ATP13A4: variants seen among roughly 807,000 people sequenced by gnomAD.
ATP13A4 encodes ATPase 13A4.
In ATP13A4, 114 loss-of-function variants were observed where a neutral mutation model predicts 142.5. The observed-to-expected ratio is 0.80, with a 90% confidence interval of 0.69 to 0.93. ATP13A4 has a LOEUF of 0.93. ATP13A4 is among the 40% of genes least tolerant of loss of function. ATP13A4 has a pLI of 0.00. For missense variants in ATP13A4, 1,392 were observed against 1,454.0 expected, an observed-to-expected ratio of 0.96 and a Z score of 0.69; for synonymous variants, 488 against 514.8, an observed-to-expected ratio of 0.95 and a Z score of 0.70.
At chr3:193,488,821 A>C (rs1237645023) in intron 7 of ATP13A4, among the ~76,000 whole-genome samples, 1 of 152,166 alleles carries the variant, frequency 6.6e-6, no homozygotes, top group Non-Finnish European at 1.5e-5. Context: ...GGAGAACTTG[A>C]GAATGTTAAA....
At chr3:193,460,447 G>A (rs10937587) in intron 13 of ATP13A4, among the ~76,000 whole-genome samples, 30,332 of 152,108 alleles carry the variant, frequency 0.2, 3,170 homozygotes, top group South Asian at 0.38. Context: ...TGGCTTCCTG[G>A]CTTTTGCATT....
At chr3:193,560,733 A>C (rs932380852) in intron 2 of ATP13A4, among the ~76,000 whole-genome samples, 1 of 152,200 alleles carries the variant, frequency 6.6e-6, no homozygotes, top group Non-Finnish European at 1.5e-5. Context: ...ACTGGGGTGA[A>C]AATCTGTGCT....
chr3:193,574,827 A>G (rs1265256802), intron 2 of ATP13A4, among the ~76,000 whole-genome samples: 1 of 152,186 alleles, frequency 6.6e-6, no homozygotes, highest in Non-Finnish European at 1.5e-5. Flanking sequence ...GTTGGTGAGT[A>G]TGAAGCAAGA....
chr3:193,489,182 T>C (rs151185139), intron 7 of ATP13A4, among the ~76,000 whole-genome samples: 49 of 152,300 alleles, frequency 3.2e-4, no homozygotes, highest in African/African-American at 1.1e-3. Flanking sequence ...TGATTAGAGA[T>C]GAACAGAAGC....
intron 1 of ATP13A4, among the ~76,000 whole-genome samples, chr3:193,590,657 C>T (rs1724745686): frequency 2.0e-5 from 3 of 152,134 alleles, no homozygotes; most frequent in Non-Finnish European, 4.4e-5. Context: ...AACTACATTC[C>T]TCCCCAAAGT....
chr3:193,426,769 T>C (rs1466215263), intron 25 of ATP13A4, among the ~76,000 whole-genome samples: 1 of 151,918 alleles, frequency 6.6e-6, no homozygotes, highest in Non-Finnish European at 1.5e-5. Context: ...TTCAACAAGC[T>C]GGGACAACCA....
At chr3:193,550,822 A>G (rs1272916995) in intron 1 of ATP13A4, among the ~76,000 whole-genome samples, 1 of 152,148 alleles carries the variant, frequency 6.6e-6, no homozygotes, top group South Asian at 2.1e-4. Flanking sequence ...CTGGAACAAA[A>G]CACTTCCCCA....
chr3:193,505,029 C>A (rs905713542), intron 2 of ATP13A4, among the ~76,000 whole-genome samples: 1 of 152,128 alleles, frequency 6.6e-6, no homozygotes, highest in Non-Finnish European at 1.5e-5. Flanking sequence ...AAACTAACCA[C>A]CAGCAAGGCT....
At chr3:193,448,765 C>T (rs879273843) in intron 17 of ATP13A4, among the ~76,000 whole-genome samples, 9 of 152,180 alleles carry the variant, frequency 5.9e-5, no homozygotes, top group South Asian at 4.1e-4. Flanking sequence ...AGAACAGAAG[C>T]GGACACAAAG....
intron 3 of ATP13A4, among the ~76,000 whole-genome samples, chr3:193,495,672 G>A (rs1027351922): frequency 6.6e-6 from 1 of 152,090 alleles, no homozygotes; most frequent in Non-Finnish European, 1.5e-5. Context: ...CCTAGAACAA[G>A]ACAGGAATGC....
chr3:193,403,774 A>C, intron 29 of ATP13A4: 1 of 985,170 alleles, frequency 1.0e-6, no homozygotes. Flanking sequence ...GCTCACAAAG[A>C]TTGACCATCT....
intron 1 of ATP13A4, among the ~76,000 whole-genome samples, chr3:193,543,214 C>A (rs558761376): frequency 6.8e-6 from 1 of 147,816 alleles, no homozygotes; most frequent in East Asian, 2.0e-4. Context: ...CCATTAAAAA[C>A]ATAGGCACAG....
chr3:193,591,123 G>A (rs1724756809), intron 1 of ATP13A4, among the ~76,000 whole-genome samples: 1 of 152,230 alleles, frequency 6.6e-6, no homozygotes, highest in South Asian at 2.1e-4. Flanking sequence ...GAGTGCAGTG[G>A]CACAATCTCA....
rs759103574 is a variant in ATP13A4 at position 193,589,920 on chromosome 3, T to C, written n.91+3101A>G. On this transcript the variant is annotated intron_variant and non_coding_transcript_variant, in intron 1 of 3. Coordinates refer to the ATP13A4 transcript ENST00000489140. The stretch of plus-strand genomic sequence containing the variant: ...ATTGTATTCATATAATTTATTCATA[T>C]AATTTTACTTGCCTACTTGCATACT... Among the ~76,000 whole-genome samples, 11 of 146,688 alleles carry C rather than the reference T, an allele frequency of 7.5e-5. No individual in the cohort carries two copies. In the South Asian group the frequency reaches 2.1e-3, roughly 29 times the overall value.
chr3:193,540,834 T>C (rs1351669530), intron 1 of ATP13A4, among the ~76,000 whole-genome samples: 3 of 152,110 alleles, frequency 2.0e-5, no homozygotes, highest in African/African-American at 4.8e-5. Context: ...GGAAAGTAAA[T>C]ACATCAAGCA....
intron 3 of ATP13A4, among the ~76,000 whole-genome samples, chr3:193,498,233 C>T (rs1429184435): frequency 6.6e-6 from 1 of 151,434 alleles, no homozygotes; most frequent in Non-Finnish European, 1.5e-5. Flanking sequence ...TTTAAAAATC[C>T]TGGTAGCCAG....
intron 2 of ATP13A4, among the ~76,000 whole-genome samples, chr3:193,510,519 C>T (rs564688026): frequency 1.3e-5 from 2 of 152,242 alleles, no homozygotes; most frequent in East Asian, 1.9e-4. Context: ...TAAATCATGT[C>T]ATTTGCATAG....
At chr3:193,517,211 T>C (rs1721464457) in intron 1 of ATP13A4, among the ~76,000 whole-genome samples, 3 of 152,192 alleles carry the variant, frequency 2.0e-5, no homozygotes, top group African/African-American at 4.8e-5. Context: ...TTGTTACATG[T>C]CCACCAAATG....
At chr3:193,488,266 AAAAT>A (rs1405711906) in intron 7 of ATP13A4, among the ~76,000 whole-genome samples, 1 of 152,198 alleles carries the variant, frequency 6.6e-6, no homozygotes, top group Non-Finnish European at 1.5e-5. Flanking sequence ...CTCCATCTCA[AAAAT>A]AAATAAATAA....
Sources: gnomAD v4.1 joint callset for allele counts (sites outside exome capture counted in the v4.1 genomes callset) on GRCh38, gnomAD v4.1.1 for gene constraint, MANE v1.5 for transcripts, NCBI Gene and HGNC (gene_info 2026-07-23, HGNC 2026-07-21) for gene names.